DHX9: variants seen among roughly 807,000 people sequenced by gnomAD.
The protein encoded by DHX9 is ATP-dependent RNA helicase A.
A neutral mutation model predicts 148.7 loss-of-function variants in DHX9; 27 were observed. The ratio of observed to expected loss-of-function variants is 0.18; its 90% CI spans 0.13 to 0.25. The LOEUF (loss-of-function observed/expected upper bound fraction) is 0.25. Among genes scored for constraint, DHX9 ranks in the 10% least tolerant of loss-of-function variants. DHX9 has a pLI of 1.00. For synonymous variants in DHX9, 529 were observed against 516.6 expected (o/e 1.02, Z -0.33); for missense variants, 796 against 1,559.6 (o/e 0.51, Z 8.25).
chr1:182,876,975 C>T, intron 19 of DHX9, 72 bp downstream of exon 19: 1 of 1,038,370 alleles, frequency 9.6e-7, no homozygotes, highest in South Asian at 1.4e-5. Context: ...TTAACAGAAT[C>T]AAAAACACCT....
intron 12 of DHX9, among the ~76,000 whole-genome samples, chr1:182,865,354 G>A (rs1345927352): frequency 6.6e-6 from 1 of 152,108 alleles, no homozygotes; most frequent in Non-Finnish European, 1.5e-5. Context: ...TAAATCTCTG[G>A]ATGAAAGTGC....
chr1:182,850,609 AG>A (rs1668124577), intron 3 of DHX9, among the ~76,000 whole-genome samples: 1 of 151,614 alleles, frequency 6.6e-6, no homozygotes, highest in Non-Finnish European at 1.5e-5. Flanking sequence ...AAAAAAAAAA[AG>A]GTTTTAAATG....
chr1:182,882,930 G>A (rs1024311883), intron 24 of DHX9, among the ~76,000 whole-genome samples: 5 of 151,930 alleles, frequency 3.3e-5, no homozygotes, highest in East Asian at 1.9e-4. Context: ...GAATAGAGAC[G>A]TTTTCGTTTT....
chr1:182,853,189 T>G (rs1668187846), intron 4 of DHX9, 117 bp from the exon 5 acceptor site: 2 of 705,028 alleles, frequency 2.8e-6, no homozygotes, highest in Non-Finnish European at 4.8e-6. Flanking sequence ...CGTCCGGAAG[T>G]GCTGGGATTA....
intron 7 of DHX9, among the ~76,000 whole-genome samples, chr1:182,856,927 G>A (rs966170980): frequency 5.3e-5 from 8 of 152,016 alleles, no homozygotes; most frequent in Non-Finnish European, 2.9e-5. Flanking sequence ...TCGGCTCACT[G>A]CAAGCTCCGC....
At chr1:182,874,204 G>C (rs1648666997) in intron 15 of DHX9, among the ~76,000 whole-genome samples, 1 of 152,202 alleles carries the variant, frequency 6.6e-6, no homozygotes, top group South Asian at 2.1e-4. Flanking sequence ...GAAGACTACA[G>C]TGTGGGAAGA....
rs148178570 is a variant in DHX9, at chr1:182,875,585, A to G, written c.1816-465A>G. Among the ~76,000 whole-genome samples the G allele has an allele frequency of 9.2e-5, 14 of 152,272 alleles. 1 individual carries two copies. The East Asian group carries it at 2.1e-3, about 23-fold the overall frequency. ...GAAATACAGACTGAGACAGCCAGCA[A>G]TGCAGAATTTGCTAGAAAACCTAAG... On this transcript the variant is annotated intron_variant, in intron 16 of 27. Coordinates refer to ENST00000367549, the MANE Select transcript of DHX9 (RefSeq NM_001357.5).
chr1:182,865,752 T>A (rs1321653492), intron 12 of DHX9, among the ~76,000 whole-genome samples: 1 of 152,232 alleles, frequency 6.6e-6, no homozygotes, highest in Non-Finnish European at 1.5e-5. Flanking sequence ...CGTGTACCTC[T>A]GTAGCTATAC....
intron 3 of DHX9, among the ~76,000 whole-genome samples, chr1:182,847,108 A>G (rs912409837): frequency 1.3e-5 from 2 of 152,094 alleles, no homozygotes; most frequent in African/African-American, 4.8e-5. Context: ...TTATAAGTGT[A>G]TGTTTGTAAT....
chr1:182,873,282 C>T (rs1256353179), intron 15 of DHX9, among the ~76,000 whole-genome samples: 1 of 152,150 alleles, frequency 6.6e-6, no homozygotes, highest in South Asian at 2.1e-4. Flanking sequence ...GGAGTTGTTA[C>T]CACAGTTTTC....
chr1:182,881,254 T>C lies in DHX9; in HGVS notation c.2625-10T>C. 1 of 1,610,802 alleles carries C rather than the reference T, an allele frequency of 6.2e-7. No homozygotes were observed. Among genetic ancestry groups the C allele is most frequent in the Non-Finnish European group, 8.5e-7 (1 of 1,178,634 alleles). Reference sequence around the variant, plus strand: ...TCTAGTCTGGATTTAACTGTCTTTGTGTATTTCAGCGTGGGAGATGCTATC... The same window carrying C: ...TCTAGTCTGGATTTAACTGTCTTTGCGTATTTCAGCGTGGGAGATGCTATC... On this transcript the variant is annotated splice_polypyrimidine_tract_variant and intron_variant, in intron 22 of 27. Transcript: ENST00000367549.
intron 24 of DHX9, 102 bp downstream of exon 24, chr1:182,881,749 G>A: frequency 8.1e-7 from 1 of 1,235,838 alleles, no homozygotes; most frequent in South Asian, 1.6e-5. Flanking sequence ...TAGACCCTAT[G>A]ATTTTTATAT....
chr1:182,852,731 CT>C (rs775984473), intron 4 of DHX9, among the ~76,000 whole-genome samples: 30 of 152,156 alleles, frequency 2.0e-4, no homozygotes, highest in Non-Finnish European at 2.5e-4. Flanking sequence ...CCTTGAATAA[CT>C]TTGTTTCCTT....
Position 182,880,609 on chromosome 1 carries a change from G to A in DHX9, c.2624+1G>A. The stretch of plus-strand genomic sequence containing the variant: ...TGATGATAATGGGGTGTATTTTCTA[G>A]TAAGTGCTTTGTTTTATTTCTCTTC... On this transcript the variant is annotated splice_donor_variant, in intron 22 of 27. Transcript: ENST00000367549. LOFTEE classifies it high-confidence loss of function. 1 of 1,584,188 alleles carries A rather than the reference G, an allele frequency of 6.3e-7. No individual in the cohort carries two copies. Among genetic ancestry groups the A allele is most frequent in the Non-Finnish European group, 8.7e-7 (1 of 1,153,536 alleles).
At chr1:182,856,421 T>C in intron 6 of DHX9, 111 bp from the exon 7 acceptor site, 1 of 810,330 alleles carries the variant, frequency 1.2e-6, no homozygotes, top group Non-Finnish European at 2.1e-6. Context: ...TGGTAATTTT[T>C]TTTTTCTGTG....
At chr1:182,843,256 C>A in intron 2 of DHX9, 38 bp from the exon 3 acceptor site, 1 of 1,494,932 alleles carries the variant, frequency 6.7e-7, no homozygotes, top group Non-Finnish European at 8.9e-7. Context: ...TCAGAATTAC[C>A]CAGGTCAGTC....
chr1:182,861,173 G>T (rs1343098912), intron 12 of DHX9, among the ~76,000 whole-genome samples: 2 of 151,790 alleles, frequency 1.3e-5, no homozygotes, highest in East Asian at 1.9e-4. Context: ...TATATTTTAT[G>T]TGAGAATTGG....
chr1:182,876,931 G>A, intron 19 of DHX9, 28 bp downstream of exon 19: 1 of 1,543,520 alleles, frequency 6.5e-7, no homozygotes, highest in South Asian at 1.1e-5. Flanking sequence ...CTATTTGTCT[G>A]CTCCAGTGTT....
At chr1:182,867,456 G>A (rs769484803) in intron 14 of DHX9, among the ~76,000 whole-genome samples, 7 of 152,136 alleles carry the variant, frequency 4.6e-5, no homozygotes, top group Non-Finnish European at 8.8e-5. Context: ...AGGCTGGAGT[G>A]CAGTGGCGCG....
Sources: allele counts gnomAD v4.1 joint callset (sites outside exome capture counted in the v4.1 genomes callset), GRCh38; gene constraint gnomAD v4.1.1; transcripts MANE v1.5; gene names NCBI Gene and HGNC (gene_info 2026-07-23, HGNC 2026-07-21).